FRMD4B: variants seen among roughly 807,000 people sequenced by gnomAD.
FRMD4B encodes the protein FERM domain-containing protein 4B.
FRMD4B carries 74 observed loss-of-function variants against 141.5 expected under a neutral mutation model. That is an observed-to-expected ratio of 0.52 (90% CI 0.43 to 0.63). The LOEUF (loss-of-function observed/expected upper bound fraction) is 0.63, where lower values mean the gene tolerates loss of function less well. Ranked by LOEUF, FRMD4B falls within the 30% of genes least tolerant of loss-of-function variation. The pLI is 0.00. For missense variants in FRMD4B, 1,366 were observed against 1,253.4 expected (o/e 1.09, Z -1.36); for synonymous variants, 506 against 467.9 (o/e 1.08, Z -1.05).
intron 1 of FRMD4B, among the ~76,000 whole-genome samples, chr3:69,458,148 G>C (rs7631421): frequency 0.35 from 53,787 of 152,090 alleles, 9,980 homozygotes; most frequent in African/African-American, 0.46. Context: ...GTAAGCAAAT[G>C]GCAAATTAAT....
At chr3:69,240,772 CT>C (rs1395219768) in intron 7 of FRMD4B, among the ~76,000 whole-genome samples, 20 of 152,196 alleles carry the variant, frequency 1.3e-4, no homozygotes, top group African/African-American at 4.8e-4. Context: ...TATGTTATCA[CT>C]TAGTGTGTTT....
intron 1 of FRMD4B, among the ~76,000 whole-genome samples, chr3:69,496,637 A>AGAG (rs1706399949): frequency 2.1e-4 from 12 of 56,516 alleles, no homozygotes; most frequent in African/African-American, 4.9e-4. Flanking sequence ...GAGAGAGAGA[A>AGAG]AGAGAGAGAG....
intron 21 of FRMD4B, among the ~76,000 whole-genome samples, chr3:69,177,032 A>C (rs62255540): frequency 0.015 from 2,274 of 152,298 alleles, 27 homozygotes; most frequent in East Asian, 0.058. Context: ...TAAATTTGTC[A>C]ATTCAAAAAA....
intron 5 of FRMD4B, among the ~76,000 whole-genome samples, chr3:69,286,401 G>A (rs934893819): frequency 6.6e-6 from 1 of 152,170 alleles, no homozygotes; most frequent in African/African-American, 2.4e-5. Context: ...GTATACTACT[G>A]TAAGATTCTT....
At chr3:69,328,588 T>A (rs1352750714) in intron 1 of FRMD4B, among the ~76,000 whole-genome samples, 2 of 152,016 alleles carry the variant, frequency 1.3e-5, no homozygotes, top group Non-Finnish European at 2.9e-5. Context: ...AAGATACAGG[T>A]CATAAAGACT....
chr3:69,356,606 TAC>T (rs1703330549), intron 1 of FRMD4B, among the ~76,000 whole-genome samples: 3 of 148,804 alleles, frequency 2.0e-5, no homozygotes, highest in Admixed American at 1.3e-4. Context: ...CATACATATA[TAC>T]ACACACGTAT....
At chr3:69,500,476 G>A (rs1250804106) in intron 1 of FRMD4B, among the ~76,000 whole-genome samples, 2 of 152,116 alleles carry the variant, frequency 1.3e-5, no homozygotes, top group Non-Finnish European at 2.9e-5. Flanking sequence ...GTTTCAGTGA[G>A]TCAGGATGCT....
chr3:69,536,246 GC>G, intron 1 of FRMD4B: 1 of 607,800 alleles, frequency 1.6e-6, no homozygotes, highest in Non-Finnish European at 3.0e-6. Flanking sequence ...CTTCCCCTTG[GC>G]CTTTTCCGCT....
Position 69,219,601 on chromosome 3 carries a change from C to A in FRMD4B, c.732-1222G>T, listed in dbSNP as rs143256057. Among the ~76,000 whole-genome samples the A allele has an allele frequency of 8.8e-4, 134 of 151,918 alleles. No individual in the cohort carries two copies. In the East Asian group the frequency reaches 0.016, roughly 18 times the overall value. On this transcript the variant is annotated intron_variant, in intron 9 of 22. Transcript: ENST00000398540. ...GAAAGAATAAGACTCTGCATTTAAG[C>A]ATGGGTACTTTTTTTTTTTTAATTG...
intron 7 of FRMD4B, among the ~76,000 whole-genome samples, chr3:69,245,456 T>G (rs929118694): frequency 6.6e-6 from 1 of 151,896 alleles, no homozygotes; most frequent in African/African-American, 2.4e-5. Flanking sequence ...AAGCGATTCT[T>G]GTGTCTCAGC....
intron 22 of FRMD4B, among the ~76,000 whole-genome samples, chr3:69,174,905 G>C (rs2092626582): frequency 6.6e-6 from 1 of 152,178 alleles, no homozygotes; most frequent in African/African-American, 2.4e-5. Context: ...AGTCATTTTG[G>C]TTCTTGCTCC....
chr3:69,372,055 C>T (rs1029682132), intron 1 of FRMD4B, among the ~76,000 whole-genome samples: 1 of 152,202 alleles, frequency 6.6e-6, no homozygotes, highest in South Asian at 2.1e-4. Context: ...ACTTTGGCCA[C>T]TCCACTGTGC....
At chr3:69,350,278 C>T (rs1399607697) in intron 1 of FRMD4B, among the ~76,000 whole-genome samples, 1 of 152,094 alleles carries the variant, frequency 6.6e-6, no homozygotes, top group East Asian at 1.9e-4. Context: ...AATGAGATAC[C>T]ATCTCACACC....
intron 2 of FRMD4B, among the ~76,000 whole-genome samples, chr3:69,422,417 G>A (rs958768347): frequency 1.3e-5 from 2 of 151,696 alleles, no homozygotes; most frequent in African/African-American, 2.4e-5. Context: ...AGGAGAGGGG[G>A]CAGGGAAGAG....
At chr3:69,519,836 T>C (rs573466963) in intron 1 of FRMD4B, among the ~76,000 whole-genome samples, 1 of 151,968 alleles carries the variant, frequency 6.6e-6, no homozygotes, top group Non-Finnish European at 1.5e-5. Context: ...ATAATTCTTA[T>C]GCCTTTGCAT....
At chr3:69,383,065 C>T (rs543213311) in intron 1 of FRMD4B, among the ~76,000 whole-genome samples, 2 of 92,450 alleles carry the variant, frequency 2.2e-5, no homozygotes, top group South Asian at 3.4e-4. Flanking sequence ...CTCCAGGCAG[C>T]GTGCTAAATA....
chr3:69,383,156 A>G (rs1489141855), intron 1 of FRMD4B, among the ~76,000 whole-genome samples: 1 of 152,232 alleles, frequency 6.6e-6, no homozygotes, highest in African/African-American at 2.4e-5. Flanking sequence ...AAGCTGAAGT[A>G]TAGTAAGATT....
intron 2 of FRMD4B, among the ~76,000 whole-genome samples, chr3:69,416,715 C>T (rs1009328311): frequency 6.6e-6 from 1 of 152,038 alleles, no homozygotes; most frequent in Non-Finnish European, 1.5e-5. Context: ...CCCAACCTCC[C>T]GATAGGCCCA....
intron 7 of FRMD4B, among the ~76,000 whole-genome samples, chr3:69,239,137 A>T (rs1050278018): frequency 6.6e-6 from 1 of 152,190 alleles, no homozygotes; most frequent in African/African-American, 2.4e-5. Context: ...GCTTGGTTTG[A>T]CAGAGTCTAT....
Sources: allele counts gnomAD v4.1 joint callset (sites outside exome capture counted in the v4.1 genomes callset), GRCh38; gene constraint gnomAD v4.1.1; transcripts MANE v1.5; gene names NCBI Gene and HGNC (gene_info 2026-07-23, HGNC 2026-07-21).